Variants in ARHGEF10 observed in about 807,000 individuals in gnomAD.
ARHGEF10 encodes Rho guanine nucleotide exchange factor 10.
A neutral mutation model predicts 147.4 loss-of-function variants in ARHGEF10; 140 were observed. The observed-to-expected ratio is 0.95, with a 90% CI of 0.83 to 1.09. ARHGEF10 has a LOEUF of 1.09. ARHGEF10 is among the 50% of genes least tolerant of loss of function. ARHGEF10 has a pLI of 0.00. For synonymous variants in ARHGEF10, 902 were observed against 695.8 expected (o/e 1.30, Z -4.67); for missense variants, 2,222 against 1,752.7 (o/e 1.27, Z -4.78).
chr8:1,843,762 C>T (rs887331896), intron 2 of ARHGEF10, among the ~76,000 whole-genome samples: 9 of 152,162 alleles, frequency 5.9e-5, no homozygotes, highest in Non-Finnish European at 1.2e-4. Flanking sequence ...TACAGAATGG[C>T]GCCTTCCAGT....
chr8:1,857,871 G>GATCT (rs1333768391), intron 2 of ARHGEF10, 89 bp from the exon 3 acceptor site: 713 of 425,188 alleles, frequency 1.7e-3, no homozygotes, highest in Admixed American at 4.7e-3. Context: ...GGCTAACATA[G>GATCT]ATCGATCGAT....
chr8:1,928,083 T>C (rs1459795763), intron 23 of ARHGEF10, among the ~76,000 whole-genome samples: 1 of 152,232 alleles, frequency 6.6e-6, no homozygotes, highest in African/African-American at 2.4e-5. Context: ...TGTTAAGTTA[T>C]TAAAATTGAT....
intron 14 of ARHGEF10, among the ~76,000 whole-genome samples, chr8:1,897,408 G>T (rs1299558537): frequency 1.3e-5 from 2 of 150,294 alleles, no homozygotes; most frequent in Non-Finnish European, 3.0e-5. Context: ...CCTCTGGACA[G>T]CTGTGGGCTC....
chr8:1,880,086 G>GA lies in ARHGEF10; in HGVS notation c.887dup (p.Met297AspfsTer22), dbSNP rs754099889. 6.2e-7 allele frequency: 1 copy of GA among 1,614,164 alleles called. No individual in the cohort carries two copies. The highest frequency in any genetic ancestry group is 1.7e-5 in the Admixed American group (1 of 60,024). On this transcript the variant is annotated frameshift_variant, in exon 9 of 29. Transcript: ENST00000349830. LOFTEE classifies it high-confidence loss of function. ...TAACCCGTTTAAAGGAGCACTATGA[G>GA]AAAAAGATGAGAGATTTGATGGCAA... is the stretch of plus-strand genomic sequence containing the variant.
At chr8:1,906,909 T>C (rs1486311388) in intron 17 of ARHGEF10, among the ~76,000 whole-genome samples, 1 of 152,174 alleles carries the variant, frequency 6.6e-6, no homozygotes, top group Non-Finnish European at 1.5e-5. Flanking sequence ...CCAAAAAATA[T>C]GTGAGTCTTT....
chr8:1,945,188 G>A (rs1157997948), intron 26 of ARHGEF10, among the ~76,000 whole-genome samples: 2 of 152,200 alleles, frequency 1.3e-5, no homozygotes, highest in African/African-American at 4.8e-5. Flanking sequence ...CCCCTCGCCA[G>A]CCTGCCCATG....
chr8:1,946,408 C>T (rs1201207717), intron 27 of ARHGEF10, among the ~76,000 whole-genome samples: 8 of 152,214 alleles, frequency 5.3e-5, no homozygotes, highest in Non-Finnish European at 8.8e-5. Context: ...GCTGCCCCTC[C>T]GCGTTCTGGA....
intron 6 of ARHGEF10, among the ~76,000 whole-genome samples, chr8:1,868,327 G>A (rs1232660451): frequency 3.3e-5 from 5 of 152,190 alleles, no homozygotes; most frequent in Non-Finnish European, 5.9e-5. Flanking sequence ...CTGAGGAAGC[G>A]GTTGTCTGTA....
At chr8:1,906,260 TA>T (rs1810882338) in intron 17 of ARHGEF10, among the ~76,000 whole-genome samples, 1 of 152,196 alleles carries the variant, frequency 6.6e-6, no homozygotes, top group African/African-American at 2.4e-5. Context: ...GGAACTGATA[TA>T]AAGTTAACTA....
intron 23 of ARHGEF10, chr8:1,927,008 C>T (rs1812743031): frequency 4.9e-6 from 1 of 202,798 alleles, no homozygotes; most frequent in Admixed American, 5.4e-5. Context: ...TCCAGGGCTC[C>T]ACTGTGCTTT....
intron 5 of ARHGEF10, 122 bp from the exon 6 acceptor site, chr8:1,866,404 C>T: frequency 1.4e-6 from 1 of 714,440 alleles, no homozygotes. Context: ...TGTATAGTAA[C>T]ATATATATAT....
chr8:1,912,659 G>C (rs1811458825), intron 18 of ARHGEF10, among the ~76,000 whole-genome samples: 1 of 152,206 alleles, frequency 6.6e-6, no homozygotes, highest in Non-Finnish European at 1.5e-5. Flanking sequence ...CTCTCTTGCA[G>C]AGGCTGCAGG....
At chr8:1,863,316 G>A (rs1037933103) in intron 4 of ARHGEF10, among the ~76,000 whole-genome samples, 1 of 152,258 alleles carries the variant, frequency 6.6e-6, no homozygotes. Flanking sequence ...ATCCAGCTGT[G>A]TGGCAGCTCC....
chr8:1,897,594 A>T (rs1036817305), intron 14 of ARHGEF10, among the ~76,000 whole-genome samples: 1 of 142,188 alleles, frequency 7.0e-6, no homozygotes, highest in Non-Finnish European at 1.5e-5. Flanking sequence ...CGCAGTTCCC[A>T]CTCTCGACAG....
rs189128786 is a variant in ARHGEF10 at position 1,937,124 on chromosome 8, A to G, written c.3222+3182A>G. 2.6e-5 allele frequency among the ~76,000 whole-genome samples: 4 copies of G among 152,328 alleles called. No homozygotes were observed. The East Asian group carries it at 7.7e-4, about 29-fold the overall frequency. Reference sequence around the variant, plus strand: ...CTAGACAGGAACAGAAAATAGCTGGACAGGGAGGTTGGGGTACATGTTAGA... The same window carrying G: ...CTAGACAGGAACAGAAAATAGCTGGGCAGGGAGGTTGGGGTACATGTTAGA... On this transcript the variant is annotated intron_variant, in intron 26 of 28. Coordinates refer to ENST00000349830, the MANE Select transcript of ARHGEF10 (RefSeq NM_014629.4). This position sits in a 1 kb window ranked among gnomAD's most constrained non-coding sequence, Gnocchi z 4.9.
chr8:1,857,875 GATCGATCT>G lies in ARHGEF10; in HGVS notation c.38-81_38-74del, dbSNP rs879204348. 0.053 allele frequency: 47,576 copies of G among 898,300 alleles called. 1,210 individuals are homozygous for G. The highest frequency in any genetic ancestry group is 0.12 in the African/African-American group (6,237 of 50,432). The allele number at this position is 898,300 out of a possible 1,614,324, so 55.6% of individuals were successfully genotyped here. ...TCAGTGTCTCTGGCTAACATAGATC[GATCGATCT>G]ATCTATCTATCTATCTATCTATCTA... On this transcript the variant is annotated intron_variant, in intron 2 of 28. Coordinates refer to ENST00000349830, the MANE Select transcript of ARHGEF10 (RefSeq NM_014629.4).
intron 1 of ARHGEF10, among the ~76,000 whole-genome samples, chr8:1,829,598 G>A (rs1563143962): frequency 6.6e-6 from 1 of 152,246 alleles, no homozygotes; most frequent in Non-Finnish European, 1.5e-5. Flanking sequence ...GTGGCTTTCT[G>A]TCGTTTGTGT....
intron 10 of ARHGEF10, among the ~76,000 whole-genome samples, chr8:1,885,138 C>G (rs1466209094): frequency 6.6e-6 from 1 of 152,162 alleles, no homozygotes; most frequent in Non-Finnish European, 1.5e-5. Flanking sequence ...GTGAGAGAGA[C>G]AGAAGAAATA....
rs780508952 is a variant in ARHGEF10, at chr8:1,898,538, C to T, written c.1650+13C>T. On this transcript the variant is annotated intron_variant, in intron 15 of 28. Coordinates refer to ENST00000349830, the MANE Select transcript of ARHGEF10 (RefSeq NM_014629.4). ...CCTCCTGCTCCAGGTAAGTGCTTCA[C>T]GGAGACCTCCTCAAGCTAGTCCTCT... 42 of 1,610,110 alleles carry T rather than the reference C, an allele frequency of 2.6e-5. No individual in the cohort carries two copies. Among genetic ancestry groups the T allele is most frequent in the African/African-American group, 2.0e-4 (15 of 74,866 alleles).
Sources: allele counts gnomAD v4.1 joint callset (sites outside exome capture counted in the v4.1 genomes callset), GRCh38; gene constraint gnomAD v4.1.1; non-coding constraint Gnocchi (gnomAD v3.1); transcripts MANE v1.5; gene names NCBI Gene and HGNC (gene_info 2026-07-23, HGNC 2026-07-21).